Variants in ENTR1 observed in about 807,000 individuals in gnomAD.
The protein encoded by ENTR1 is endosome-associated-trafficking regulator 1.
In ENTR1, 47 loss-of-function variants were observed where a neutral mutation model predicts 47.9. That is an observed-to-expected ratio of 0.98 (90% CI 0.78 to 1.25). The LOEUF (loss-of-function observed/expected upper bound fraction) is 1.25. Among genes scored for constraint, ENTR1 ranks in the 50% most tolerant of loss-of-function variants. The pLI is 0.00. For missense variants in ENTR1, 668 were observed against 570.5 expected, an observed-to-expected ratio of 1.17 and a Z score of -1.74; for synonymous variants, 290 against 245.8, an observed-to-expected ratio of 1.18 and a Z score of -1.68.
chr9:136,403,947 C>T, intron 9 of ENTR1, 108 bp downstream of exon 9: 1 of 1,331,538 alleles, frequency 7.5e-7, no homozygotes, highest in Non-Finnish European at 1.0e-6. Flanking sequence ...GCTCCCTGGT[C>T]CTCCAGCCAC....
In ENTR1 at chr9:136,410,607, A is replaced by AG. The variant is rs1835063242; in HGVS notation, c.-211dup. The AG allele has an allele frequency of 3.1e-6, 4 of 1,292,296 alleles. No homozygotes were observed. Among genetic ancestry groups the AG allele is most frequent in the Non-Finnish European group, 3.9e-6 (4 of 1,014,628 alleles). 80.1% of individuals were successfully genotyped at this position (1,292,296 alleles called of 1,614,324 possible). A position where few individuals can be genotyped will look rare whatever the true frequency, so the allele number is the denominator to read the frequency against. On this transcript the variant is annotated 5_prime_UTR_variant, in exon 1 of 10. Coordinates refer to ENST00000357365, the MANE Select transcript of ENTR1 (RefSeq NM_001039707.2). ...GCCTGAACGCCTTGGGCCGTCGGCG[A>AG]GGGGGAGGGGAAGCCGTGGGCGGAA...
At position 136,402,561 on chromosome 9, in the gene ENTR1, G is replaced by A; in HGVS notation, c.*227C>T. ...GCTCATTAGAATCTATAAGATCGCA[G>A]GAATTTCGCCAAGAAGGGCTGCATA... On this transcript the variant is annotated 3_prime_UTR_variant, in exon 10 of 10. Coordinates refer to ENST00000357365, the MANE Select transcript of ENTR1 (RefSeq NM_001039707.2). 1 of 427,480 alleles carries A rather than the reference G, an allele frequency of 2.3e-6. No homozygotes were observed. The highest frequency in any genetic ancestry group is 4.2e-6 in the Non-Finnish European group (1 of 240,598). 26.5% of individuals were successfully genotyped at this position (427,480 alleles called of 1,614,324 possible). A position where few individuals can be genotyped will look rare whatever the true frequency, so the allele number is the denominator to read the frequency against.
In ENTR1 at chr9:136,407,860, G is replaced by A. The variant is rs113397484; in HGVS notation, c.368C>T (p.Ser123Leu). 32 of 1,613,078 alleles carry A rather than the reference G, an allele frequency of 2.0e-5. No homozygotes were observed. The highest frequency in any genetic ancestry group is 1.6e-4 in the Middle Eastern group (1 of 6,082). ...EFLKTKNLGL[S>L]KEDPASRIYA... ...AATTCTGCTGGCCGGATCCTCTTTCGAGAGGCCGAGGTTCTTGGTCTTCAG... is the reference window on the plus strand; with the variant it reads ...AATTCTGCTGGCCGGATCCTCTTTCAAGAGGCCGAGGTTCTTGGTCTTCAG... Residue 123 changes from serine (S) to leucine (L), a missense_variant, in exon 4 of 10, where the codon TCG (serine) becomes TTG (leucine). Transcript: ENST00000357365.
chr9:136,407,566 A>T lies in ENTR1; in HGVS notation c.403-5T>A, dbSNP rs748528134. The T allele has an allele frequency of 4.6e-5, 18 of 391,812 alleles. No homozygotes were observed. The African/African-American group carries it at 8.3e-4, about 18-fold the overall frequency. The allele number at this position is 391,812 out of a possible 1,614,324, so 24.3% of individuals were successfully genotyped here. ...CAGGGAATGCCTCGAGGCTTCCTAA[A>T]AAAAAAAAAAAAAAAAAAACAATGG... is the stretch of plus-strand genomic sequence containing the variant. On this transcript the variant is annotated splice_region_variant and splice_polypyrimidine_tract_variant and intron_variant, in intron 4 of 9. Transcript: ENST00000357365.
At chr9:136,408,911 T>C (rs547606633) in intron 3 of ENTR1, 88 bp downstream of exon 3, 39 of 623,650 alleles carry the variant, frequency 6.3e-5, no homozygotes, top group African/African-American at 5.1e-4. Context: ...CTACACCACA[T>C]AGCCAGTCAC....
In ENTR1 at chr9:136,404,182, T is replaced by C. The variant is rs1415132644; in HGVS notation, c.1081A>G (p.Asn361Asp). 6.2e-7 allele frequency: 1 copy of C among 1,608,652 alleles called. No individual in the cohort carries two copies. Among genetic ancestry groups the C allele is most frequent in the South Asian group, 1.1e-5 (1 of 90,800 alleles). Residue 361 changes from asparagine to aspartate, a missense_variant, in exon 9 of 10, where the codon AAC (asparagine) becomes GAC (aspartate). Asn to Asp is a conservative substitution (Grantham distance 23). Coordinates refer to ENST00000357365, the MANE Select transcript of ENTR1 (RefSeq NM_001039707.2). ...AGGGCTTCATTCTCTCGCTGGAAGTTGGAGACCTGCGCCTGGGGGGACGGT... is the reference window on the plus strand; with the variant it reads ...AGGGCTTCATTCTCTCGCTGGAAGTCGGAGACCTGCGCCTGGGGGGACGGT... ...EISLLQAQVS[N>D]FQRENEALRC...
intron 4 of ENTR1, 67 bp from the exon 5 acceptor site, chr9:136,407,628 T>C: frequency 8.0e-6 from 12 of 1,492,806 alleles, no homozygotes; most frequent in Non-Finnish European, 9.8e-6. Flanking sequence ...TCTTCCTTTC[T>C]GTGTTCTGCC....
In ENTR1 at chr9:136,402,591, CCA is replaced by C. The variant is rs1165184688; in HGVS notation, c.*195_*196del. The C allele has an allele frequency of 8.6e-6, 4 of 464,730 alleles. No homozygotes were observed. Among genetic ancestry groups the C allele is most frequent in the East Asian group, 3.4e-5 (1 of 29,588 alleles). 28.8% of individuals were successfully genotyped at this position (464,730 alleles called of 1,614,324 possible). On this transcript the variant is annotated 3_prime_UTR_variant, in exon 10 of 10. Transcript: ENST00000357365. ...TTCGCCAAGAAGGGCTGCATAGAAACCACAGAGACAACTCGGCCAGGGCTGCT... is the reference window on the plus strand; with the variant it reads ...TTCGCCAAGAAGGGCTGCATAGAAACCAGAGACAACTCGGCCAGGGCTGCT...
At chr9:136,409,672 CAA>C (rs1158821926) in intron 2 of ENTR1, among the ~76,000 whole-genome samples, 1 of 152,002 alleles carries the variant, frequency 6.6e-6, no homozygotes, top group African/African-American at 2.4e-5. Context: ...CATAACCACA[CAA>C]ACACTCCTGC....
At chr9:136,406,063 C>A (rs1834750269) in intron 5 of ENTR1, 85 bp from the exon 6 acceptor site, 2 of 931,308 alleles carry the variant, frequency 2.1e-6, no homozygotes, top group Non-Finnish European at 3.2e-6. Flanking sequence ...TCCAGAGCCT[C>A]CTGATAAGCA....
rs751515653 is a variant in ENTR1, at chr9:136,407,955, C to T, written c.290-17G>A. On this transcript the variant is annotated splice_polypyrimidine_tract_variant and intron_variant, in intron 3 of 9. Coordinates refer to ENST00000357365, the MANE Select transcript of ENTR1 (RefSeq NM_001039707.2). ...ATCTGTCATCTGAAATAACAGACATCACAAATGCATAAAGTCTACTGAAGA... is the reference window on the plus strand; with the variant it reads ...ATCTGTCATCTGAAATAACAGACATTACAAATGCATAAAGTCTACTGAAGA... 4 of 1,481,250 alleles carry T rather than the reference C, an allele frequency of 2.7e-6. No individual in the cohort carries two copies. In the South Asian group the frequency reaches 4.5e-5, roughly 17 times the overall value. 91.8% of individuals were successfully genotyped at this position (1,481,250 alleles called of 1,614,324 possible).
Position 136,405,813 on chromosome 9 carries a change from G to A in ENTR1, c.893+92C>T, listed in dbSNP as rs1385272791. On this transcript the variant is annotated intron_variant, in intron 6 of 9. Transcript: ENST00000357365. ...TTATATACAATAAAACCCAGATCTGGTTTGACTCTGATTACTTCATTATCA... is the reference window on the plus strand; with the variant it reads ...TTATATACAATAAAACCCAGATCTGATTTGACTCTGATTACTTCATTATCA... The A allele has an allele frequency of 9.4e-6, 7 of 741,142 alleles. 1 individual carries two copies. Among genetic ancestry groups the A allele is most frequent in the Middle Eastern group, 3.9e-4 (1 of 2,584 alleles). 45.9% of individuals were successfully genotyped at this position (741,142 alleles called of 1,614,324 possible).
In ENTR1 at chr9:136,402,900, A is replaced by G; in HGVS notation, c.1209-13T>C. The G allele has an allele frequency of 7.0e-7, 1 of 1,431,596 alleles. No homozygotes were observed. The allele number at this position is 1,431,596 out of a possible 1,614,324, so 88.7% of individuals were successfully genotyped here. A position where few individuals can be genotyped will look rare whatever the true frequency, so the allele number is the denominator to read the frequency against. ...GGAAACCAGTTGCCTGAAAACAAGC[A>G]TGGATATCAGGATGGGTGGCAGCAG... On this transcript the variant is annotated splice_polypyrimidine_tract_variant and intron_variant, in intron 9 of 9. Coordinates refer to ENST00000357365, the MANE Select transcript of ENTR1 (RefSeq NM_001039707.2).
At chr9:136,404,782 G>A in intron 7 of ENTR1, 89 bp from the exon 8 acceptor site, 3 of 1,377,918 alleles carry the variant, frequency 2.2e-6, no homozygotes, top group Middle Eastern at 1.9e-4. Context: ...GGAGCAGGAG[G>A]GCACCCAACC....
Position 136,410,210 on chromosome 9 carries a change from G to A in ENTR1, c.100C>T (p.Leu34Phe), listed in dbSNP as rs951114639. 15 of 1,594,852 alleles carry A rather than the reference G, an allele frequency of 9.4e-6. No individual in the cohort carries two copies. Among genetic ancestry groups the A allele is most frequent in the Non-Finnish European group, 1.3e-5 (15 of 1,171,938 alleles). ...GGGCGCTCACAATTTAGCTGGGGGA[G>A]ACAAGACCGGCGCTCATAGAACGCT... Reference protein sequence around the residue: ...APAFYERRSCLPQLNCERPHG... With the variant: ...APAFYERRSCFPQLNCERPHG... The change falls in exon 2 of 10, where the codon CTC (leucine) becomes TTC (phenylalanine). Residue 34 changes from leucine (L) to phenylalanine (F), a missense_variant. Coordinates refer to ENST00000357365, the MANE Select transcript of ENTR1 (RefSeq NM_001039707.2).
At chr9:136,403,178 A>G in intron 9 of ENTR1, among the ~76,000 whole-genome samples, 1 of 56,886 alleles carries the variant, frequency 1.8e-5, no homozygotes, top group Non-Finnish European at 3.4e-5. Flanking sequence ...GTGGGGAAGG[A>G]AGGGGAGGGT....
Position 136,405,122 on chromosome 9 carries a change from T to G in ENTR1, c.974A>C (p.Gln325Pro), listed in dbSNP as rs1343295885. ...CAGCTCCAGGTTCTGCTCCACCTGC[T>G]GAACCACCGACTCCAGGTCGTGGTA... ...SDYHDLESVV[Q>P]QVEQNLELMT... Residue 325 changes from glutamine (Q) to proline (P), a missense_variant, in exon 7 of 10, where the codon CAG becomes CCG. By Grantham distance (76) the Gln-to-Pro change is moderately conservative (BLOSUM62 -1). Coordinates refer to ENST00000357365, the MANE Select transcript of ENTR1 (RefSeq NM_001039707.2). The G allele has an allele frequency of 1.2e-6, 2 of 1,613,760 alleles. No homozygotes were observed. Among genetic ancestry groups the G allele is most frequent in the South Asian group, 2.2e-5 (2 of 91,074 alleles).
rs935696097 is a variant in ENTR1, at chr9:136,405,914, T to G, written c.884A>C (p.Gln295Pro). 15 of 1,595,136 alleles carry G rather than the reference T, an allele frequency of 9.4e-6. No homozygotes were observed. Among genetic ancestry groups the G allele is most frequent in the Non-Finnish European group, 1.3e-5 (15 of 1,170,642 alleles). Residue 295 changes from glutamine to proline, a missense_variant, in exon 6 of 10, where the codon CAA becomes CCA. Gln to Pro is a moderately conservative substitution (Grantham distance 76). Transcript: ENST00000357365. Reference sequence around the variant, plus strand: ...CTAAAAGCTTACATACATTTCTGTTTGAGCTTCAGAGAAGCTCTGAACCTC... The same window carrying G: ...CTAAAAGCTTACATACATTTCTGTTGGAGCTTCAGAGAAGCTCTGAACCTC... ...LNEVQSFSEA[Q>P]TEMVRTLERK...
rs1009618891 is a variant in ENTR1 at position 136,404,535 on chromosome 9, G to C, written c.1068+96C>G. On this transcript the variant is annotated intron_variant, in intron 8 of 9. Transcript: ENST00000357365. Reference sequence around the variant, plus strand: ...AGTCCTTTCTCTGCTTGGGCTCAGGGGAAACCCCAGCAGAGTCTTTCGCCT... The same window carrying C: ...AGTCCTTTCTCTGCTTGGGCTCAGGCGAAACCCCAGCAGAGTCTTTCGCCT... 7.4e-6 allele frequency: 10 copies of C among 1,343,030 alleles called. No individual in the cohort carries two copies. The African/African-American group carries it at 1.3e-4, about 18-fold the overall frequency. The allele number at this position is 1,343,030 out of a possible 1,614,324, so 83.2% of individuals were successfully genotyped here. A position where few individuals can be genotyped will look rare whatever the true frequency, so the allele number is the denominator to read the frequency against.
Sources: gnomAD v4.1 joint callset for allele counts (sites outside exome capture counted in the v4.1 genomes callset) on GRCh38, gnomAD v4.1.1 for gene constraint, MANE v1.5 for transcripts, NCBI Gene and HGNC (gene_info 2026-07-23, HGNC 2026-07-21) for gene names.